CLEC2A: variants seen among roughly 807,000 people sequenced by gnomAD.
CLEC2A encodes the protein C-type lectin domain family 2 member A.
Under a neutral mutation model 18.6 loss-of-function variants are expected in CLEC2A, and 19 were observed. The ratio of observed to expected loss-of-function variants is 1.02; its 90% CI spans 0.71 to 1.50. The LOEUF is 1.50. CLEC2A is among the 40% of genes most tolerant of loss of function. The pLI is 0.00. For synonymous variants in CLEC2A, 74 were observed against 64.0 expected, an observed-to-expected ratio of 1.16 and a Z score of -0.75; for missense variants, 190 against 207.9, an observed-to-expected ratio of 0.91 and a Z score of 0.53.
intron 1 of CLEC2A, among the ~76,000 whole-genome samples, chr12:9,926,996 G>T (rs1018991768): frequency 3.3e-5 from 5 of 152,190 alleles, no homozygotes; most frequent in Admixed American, 2.6e-4. Flanking sequence ...ATCATTAGTA[G>T]ATGTAGAAAC....
chr12:9,899,563 G>A (rs1862797282), intron 4 of CLEC2A, among the ~76,000 whole-genome samples: 1 of 152,202 alleles, frequency 6.6e-6, no homozygotes, highest in African/African-American at 2.4e-5. Flanking sequence ...AGAGGGAAGA[G>A]CAACCTTTTT....
the CLEC2A span, among the ~76,000 whole-genome samples, chr12:9,886,633 A>G: frequency 6.6e-6 from 1 of 152,256 alleles, no homozygotes; most frequent in East Asian, 1.9e-4. Flanking sequence ...AAATTTAAAA[A>G]TAACTTTTGA....
Position 9,913,615 on chromosome 12 carries a change from C to A in CLEC2A, c.476G>T (p.Gly159Val). ...LSADGVHSSRGFIDIKWICSK... is the reference protein window; with the variant it reads ...LSADGVHSSRVFIDIKWICSK... ...GCAAATCCACTTGATATCAATAAAT[C>A]CTCTGGAACTATGGACTCCATCAGC... Residue 159 changes from glycine (G) to valine (V), a missense_variant, in exon 5 of 5, where the codon GGA becomes GTA. Coordinates refer to ENST00000455827, the MANE Select transcript of CLEC2A (RefSeq NM_001130711.2). 1 of 1,549,848 alleles carries A rather than the reference C, an allele frequency of 6.5e-7. No individual in the cohort carries two copies. The highest frequency in any genetic ancestry group is 8.7e-7 in the Non-Finnish European group (1 of 1,146,752).
intron 2 of CLEC2A, among the ~76,000 whole-genome samples, chr12:9,923,571 T>C (rs1396782305): frequency 6.6e-6 from 1 of 152,142 alleles, no homozygotes; most frequent in Non-Finnish European, 1.5e-5. Flanking sequence ...AGCCATTCCA[T>C]TACTGGGTAT....
chr12:9,893,493 A>C, the CLEC2A span: 1 of 1,525,182 alleles, frequency 6.6e-7, no homozygotes, highest in Non-Finnish European at 8.8e-7. Context: ...GTTACATTCC[A>C]AGGGAACCTA....
the CLEC2A span, chr12:9,881,457 A>G: frequency 1.7e-6 from 1 of 594,692 alleles, no homozygotes; most frequent in East Asian, 2.8e-5. Flanking sequence ...TCTGTGTCTG[A>G]GTAAATTTTG....
intron 4 of CLEC2A, among the ~76,000 whole-genome samples, chr12:9,907,973 G>A (rs1055289724): frequency 6.6e-6 from 1 of 152,180 alleles, no homozygotes; most frequent in African/African-American, 2.4e-5. Flanking sequence ...GGACTAATTG[G>A]TTGACAGCTC....
At chr12:9,930,550 T>C (rs1863358243) in intron 1 of CLEC2A, among the ~76,000 whole-genome samples, 1 of 152,116 alleles carries the variant, frequency 6.6e-6, no homozygotes, top group Non-Finnish European at 1.5e-5. Context: ...TCTTTTTCAC[T>C]AACGTCTCCT....
chr12:9,908,020 TC>T (rs1335361872), intron 4 of CLEC2A, among the ~76,000 whole-genome samples: 1 of 152,196 alleles, frequency 6.6e-6, no homozygotes. Context: ...CTGTCTGATT[TC>T]TTTACAGGCA....
chr12:9,924,916 T>C (rs1863243231), intron 2 of CLEC2A, among the ~76,000 whole-genome samples: 1 of 152,246 alleles, frequency 6.6e-6, no homozygotes, highest in Non-Finnish European at 1.5e-5. Context: ...ATCTTCTCTA[T>C]ACCAGAAGGA....
chr12:9,930,734 CT>C (rs1863360795), intron 1 of CLEC2A, among the ~76,000 whole-genome samples: 1 of 152,028 alleles, frequency 6.6e-6, no homozygotes, highest in East Asian at 1.9e-4. Flanking sequence ...ATCCGCTATT[CT>C]TTTTTTCTCT....
chr12:9,893,980 C>A (rs996358201), downstream of CLEC2A, among the ~76,000 whole-genome samples: 1 of 152,050 alleles, frequency 6.6e-6, no homozygotes, highest in Admixed American at 6.5e-5. Flanking sequence ...AAACTTTGCC[C>A]TTCAGAAATT....
At chr12:9,894,572 G>A (rs1862736127), downstream of CLEC2A, among the ~76,000 whole-genome samples, 1 of 152,182 alleles carries the variant, frequency 6.6e-6, no homozygotes, top group Non-Finnish European at 1.5e-5. Context: ...GCATGTAAGA[G>A]TGCTTTCAAA....
chr12:9,922,310 A>G, intron 2 of CLEC2A, 78 bp from the exon 3 acceptor site: 1 of 1,287,968 alleles, frequency 7.8e-7, no homozygotes, highest in Non-Finnish European at 1.0e-6. Context: ...TATTAATTTT[A>G]CTTTTTGCTT....
chr12:9,909,872 G>A (rs146942077), downstream of CLEC2A, among the ~76,000 whole-genome samples: 94 of 152,036 alleles, frequency 6.2e-4, no homozygotes, highest in African/African-American at 2.0e-3. Context: ...TTGAGGGGGA[G>A]AATTGGGGGT....
the CLEC2A span, among the ~76,000 whole-genome samples, chr12:9,889,872 C>T: frequency 6.6e-6 from 1 of 151,486 alleles, no homozygotes; most frequent in African/African-American, 2.4e-5. Context: ...TTAAATAATC[C>T]CTATGTACCT....
chr12:9,927,910 A>T (rs1863303544), intron 1 of CLEC2A, among the ~76,000 whole-genome samples: 1 of 152,160 alleles, frequency 6.6e-6, no homozygotes, highest in Non-Finnish European at 1.5e-5. Flanking sequence ...AATTTCAGAC[A>T]CCCAAAATAG....
intron 1 of CLEC2A, among the ~76,000 whole-genome samples, chr12:9,931,139 C>T (rs11053515): frequency 0.084 from 12,781 of 152,096 alleles, 636 homozygotes; most frequent in African/African-American, 0.13. Context: ...ATTTTGTCTT[C>T]TCGTTATGCA....
the CLEC2A span, among the ~76,000 whole-genome samples, chr12:9,878,336 C>G: frequency 6.6e-6 from 1 of 152,030 alleles, no homozygotes; most frequent in African/African-American, 2.4e-5. Context: ...TATCTCAACC[C>G]TTAAAGATAC....
Sources: gnomAD v4.1 joint callset for allele counts (sites outside exome capture counted in the v4.1 genomes callset) on GRCh38, gnomAD v4.1.1 for gene constraint, MANE v1.5 for transcripts, NCBI Gene and HGNC (gene_info 2026-07-23, HGNC 2026-07-21) for gene names.